Variants in MDGA2 observed in about 807,000 individuals in gnomAD.
MDGA2 encodes MAM domain-containing glycosylphosphatidylinositol anchor protein 2.
MDGA2 carries 40 observed loss-of-function variants against 117.8 expected under a neutral mutation model. The observed-to-expected ratio is 0.34, with a 90% confidence interval of 0.26 to 0.44. The LOEUF (loss-of-function observed/expected upper bound fraction) is 0.44. Ranked by LOEUF, MDGA2 falls within the 20% of genes least tolerant of loss-of-function variation. MDGA2 has a pLI of 1.00. For synonymous variants in MDGA2, 452 were observed against 439.0 expected, an observed-to-expected ratio of 1.03 and a Z score of -0.37; for missense variants, 1,123 against 1,250.6, an observed-to-expected ratio of 0.90 and a Z score of 1.54.
intron 1 of MDGA2, among the ~76,000 whole-genome samples, chr14:47,666,301 G>A (rs1264121380): frequency 6.6e-6 from 1 of 152,130 alleles, no homozygotes; most frequent in Non-Finnish European, 1.5e-5. Flanking sequence ...TCTGTGTCTA[G>A]CTTAAGGTTT....
At chr14:46,991,800 A>G (rs1267384868) in intron 8 of MDGA2, among the ~76,000 whole-genome samples, 1 of 152,172 alleles carries the variant, frequency 6.6e-6, no homozygotes, top group Non-Finnish European at 1.5e-5. Flanking sequence ...ATTAAAAGTT[A>G]ATGTTCAAAT....
intron 6 of MDGA2, among the ~76,000 whole-genome samples, chr14:47,063,353 G>A (rs1889961930): frequency 6.6e-6 from 1 of 151,820 alleles, no homozygotes; most frequent in Non-Finnish European, 1.5e-5. Flanking sequence ...ATCTTTATCA[G>A]TAAGTTACTC....
intron 15 of MDGA2, among the ~76,000 whole-genome samples, chr14:46,850,459 A>C (rs1211254566): frequency 6.6e-6 from 1 of 151,858 alleles, no homozygotes; most frequent in Non-Finnish European, 1.5e-5. Flanking sequence ...TCTTCCTGAC[A>C]AAAGGCAAAT....
chr14:47,331,419 TC>T (rs138442102), intron 1 of MDGA2, among the ~76,000 whole-genome samples: 13,814 of 151,928 alleles, frequency 0.091, 694 homozygotes, highest in Middle Eastern at 0.13. Flanking sequence ...AGGAAGGTAC[TC>T]AAATAAAATT....
At chr14:47,440,818 T>C (rs943882940) in intron 1 of MDGA2, among the ~76,000 whole-genome samples, 7 of 152,122 alleles carry the variant, frequency 4.6e-5, no homozygotes, top group African/African-American at 1.7e-4. Flanking sequence ...GATTATTTCC[T>C]CTGGAATCCA....
intron 1 of MDGA2, among the ~76,000 whole-genome samples, chr14:47,612,239 G>C (rs1896863162): frequency 1.3e-5 from 2 of 151,936 alleles, no homozygotes; most frequent in South Asian, 2.1e-4. Flanking sequence ...TAGATAGATA[G>C]ATAGATAGAT....
chr14:47,394,071 T>A (rs1891954534), intron 1 of MDGA2, among the ~76,000 whole-genome samples: 1 of 152,070 alleles, frequency 6.6e-6, no homozygotes, highest in African/African-American at 2.4e-5. Context: ...CCTTATGAAA[T>A]GAAAATGCCA....
At chr14:46,866,601 G>C (rs1595006062) in intron 14 of MDGA2, among the ~76,000 whole-genome samples, 1 of 151,866 alleles carries the variant, frequency 6.6e-6, no homozygotes, top group East Asian at 1.9e-4. Context: ...AGAGTGAACA[G>C]GCAACCTACA....
chr14:47,359,879 G>A (rs1330787780), intron 1 of MDGA2, among the ~76,000 whole-genome samples: 2 of 151,784 alleles, frequency 1.3e-5, no homozygotes, highest in African/African-American at 4.8e-5. Context: ...AAACATGTAG[G>A]GATATATCAA....
chr14:47,112,529 A>T (rs1881098088), intron 5 of MDGA2, among the ~76,000 whole-genome samples: 1 of 152,162 alleles, frequency 6.6e-6, no homozygotes, highest in African/African-American at 2.4e-5. Flanking sequence ...AGTTTGCTGA[A>T]TAAAATGGCT....
At chr14:46,887,915 T>G (rs750765875) in intron 10 of MDGA2, among the ~76,000 whole-genome samples, 3 of 151,976 alleles carry the variant, frequency 2.0e-5, no homozygotes, top group African/African-American at 7.2e-5. Flanking sequence ...TGTACTTTCC[T>G]TGATGTTAAC....
chr14:47,466,098 T>A (rs988522573), intron 1 of MDGA2, among the ~76,000 whole-genome samples: 2 of 152,096 alleles, frequency 1.3e-5, no homozygotes, highest in Non-Finnish European at 2.9e-5. Flanking sequence ...TGTTCTTACC[T>A]ATAAGTGGGA....
intron 1 of MDGA2, among the ~76,000 whole-genome samples, chr14:47,582,156 T>G (rs2138841971): frequency 6.6e-6 from 1 of 152,046 alleles, no homozygotes; most frequent in African/African-American, 2.4e-5. Flanking sequence ...TTTCATTACT[T>G]ATGTCTTAAT....
intron 8 of MDGA2, among the ~76,000 whole-genome samples, chr14:47,026,483 T>C (rs527965926): frequency 8.7e-4 from 133 of 152,276 alleles, no homozygotes; most frequent in African/African-American, 3.2e-3. Context: ...TAGCACTTTA[T>C]ATTTCCCTTA....
chr14:47,251,935 T>C (rs7142536), intron 2 of MDGA2, among the ~76,000 whole-genome samples: 8 of 90,018 alleles, frequency 8.9e-5, no homozygotes, highest in Admixed American at 3.5e-4. Context: ...TCTCTTGTAT[T>C]ATTATTATTA....
intron 9 of MDGA2, among the ~76,000 whole-genome samples, chr14:46,920,393 T>C (rs964798245): frequency 1.3e-5 from 2 of 152,134 alleles, no homozygotes; most frequent in African/African-American, 4.8e-5. Flanking sequence ...ATTGGAGGAA[T>C]GGGATTTTCA....
intron 1 of MDGA2, among the ~76,000 whole-genome samples, chr14:47,487,690 T>C (rs1431365309): frequency 6.6e-6 from 1 of 152,188 alleles, no homozygotes. Flanking sequence ...TTTAAGTTTA[T>C]TGGTTGCTTA....
intron 1 of MDGA2, among the ~76,000 whole-genome samples, chr14:47,469,050 A>C (rs1893662975): frequency 1.3e-5 from 2 of 152,172 alleles, no homozygotes; most frequent in Non-Finnish European, 2.9e-5. Flanking sequence ...ATTATATACG[A>C]TGACCTACAT....
chr14:47,123,110 G>C (rs892048862), intron 5 of MDGA2, among the ~76,000 whole-genome samples: 28 of 152,108 alleles, frequency 1.8e-4, no homozygotes, highest in African/African-American at 5.8e-4. Context: ...ATGGCTTTTA[G>C]TGTTGTCTTT....
Sources: allele counts gnomAD v4.1 joint callset (sites outside exome capture counted in the v4.1 genomes callset), GRCh38; gene constraint gnomAD v4.1.1; transcripts MANE v1.5; gene names NCBI Gene and HGNC (gene_info 2026-07-23, HGNC 2026-07-21).